Variants in PAXBP1 observed in about 807,000 individuals in gnomAD.
PAXBP1 encodes the protein PAX3- and PAX7-binding protein 1.
A neutral mutation model predicts 119.9 loss-of-function variants in PAXBP1; 44 were observed. The observed-to-expected ratio is 0.37, with a 90% CI of 0.29 to 0.47. The LOEUF (loss-of-function observed/expected upper bound fraction) is 0.47, where lower values mean the gene tolerates loss of function less well. PAXBP1 is among the 20% of genes least tolerant of loss of function. The pLI is 0.99. For synonymous variants in PAXBP1, 393 were observed against 406.6 expected (o/e 0.97, Z 0.40); for missense variants, 898 against 1,134.1 (o/e 0.79, Z 2.99).
At chr21:32,747,299 C>T (rs1452743518) in intron 11 of PAXBP1, among the ~76,000 whole-genome samples, 1 of 152,108 alleles carries the variant, frequency 6.6e-6, no homozygotes, top group Admixed American at 6.5e-5. Context: ...GACTATGACC[C>T]TTTAAAGAAA....
At chr21:32,771,278 T>C in intron 1 of PAXBP1, 48 bp downstream of exon 1, 1 of 1,496,388 alleles carries the variant, frequency 6.7e-7, no homozygotes. Flanking sequence ...GACGGGGGCC[T>C]GCGTCGGGGA....
rs2043912467 is a variant in PAXBP1, at chr21:32,748,702, A to G, written c.1724-4T>C. The G allele has an allele frequency of 6.8e-6, 11 of 1,606,630 alleles. No homozygotes were observed. The highest frequency in any genetic ancestry group is 8.5e-6 in the Non-Finnish European group (10 of 1,176,730). ...CCGGATTCTTTTGAAATTCGATCTA[A>G]AAACAACAAAACCCCACAGAGAACC... On this transcript the variant is annotated splice_polypyrimidine_tract_variant and splice_region_variant and intron_variant, in intron 10 of 17. Coordinates refer to ENST00000331923, the MANE Select transcript of PAXBP1 (RefSeq NM_016631.4).
At chr21:32,757,070 G>T (rs1360909675) in intron 7 of PAXBP1, among the ~76,000 whole-genome samples, 1 of 151,546 alleles carries the variant, frequency 6.6e-6, no homozygotes, top group African/African-American at 2.4e-5. Context: ...TAATTACAGG[G>T]AAACAAAAAC....
intron 16 of PAXBP1, 44 bp from the exon 17 acceptor site, chr21:32,737,452 A>C (rs914738015): frequency 2.0e-6 from 3 of 1,526,802 alleles, no homozygotes; most frequent in Non-Finnish European, 2.7e-6. Context: ...AAGACAGAAT[A>C]AATTAAAGTA....
At chr21:32,741,427 A>C (rs939968324) in intron 15 of PAXBP1, 38 of 547,484 alleles carry the variant, frequency 6.9e-5, no homozygotes, top group Middle Eastern at 2.8e-4. Context: ...GATGGAGGAG[A>C]AATTGTCTAC....
chr21:32,755,181 G>T (rs2044024293), intron 8 of PAXBP1, 49 bp downstream of exon 8: 1 of 1,512,414 alleles, frequency 6.6e-7, no homozygotes, highest in Non-Finnish European at 8.9e-7. Context: ...GCTGCACTAA[G>T]TAAACAAGGT....
At chr21:32,739,653 T>A (rs1458415644) in intron 15 of PAXBP1, among the ~76,000 whole-genome samples, 27 of 152,032 alleles carry the variant, frequency 1.8e-4, no homozygotes, top group Admixed American at 1.8e-3. Context: ...ACACCTGTAA[T>A]CCCAGCACTT....
chr21:32,737,198 A>G, intron 17 of PAXBP1, 56 bp downstream of exon 17: 1 of 1,309,202 alleles, frequency 7.6e-7, no homozygotes, highest in East Asian at 2.5e-5. Context: ...ACATTTTAAT[A>G]CTAAATCTGG....
chr21:32,747,426 T>G (rs2043891410), intron 11 of PAXBP1, among the ~76,000 whole-genome samples: 1 of 151,266 alleles, frequency 6.6e-6, no homozygotes, highest in South Asian at 2.1e-4. Context: ...GGCAGAGGAG[T>G]GGGGGACACA....
At chr21:32,765,011 T>C (rs1022330681) in intron 2 of PAXBP1, among the ~76,000 whole-genome samples, 2 of 152,186 alleles carry the variant, frequency 1.3e-5, no homozygotes, top group Non-Finnish European at 1.5e-5. Context: ...GACACTTACA[T>C]GGAATACCTT....
At chr21:32,769,535 T>C (rs946906585) in intron 2 of PAXBP1, among the ~76,000 whole-genome samples, 1 of 152,206 alleles carries the variant, frequency 6.6e-6, no homozygotes, top group African/African-American at 2.4e-5. Flanking sequence ...GAAACCTTCT[T>C]TCTCTGTTCA....
intron 12 of PAXBP1, among the ~76,000 whole-genome samples, 181 bp from the exon 13 acceptor site, chr21:32,745,094 T>C (rs1290519312): frequency 1.3e-5 from 2 of 152,164 alleles, no homozygotes; most frequent in Middle Eastern, 3.2e-3. Context: ...GGAGAGAGGA[T>C]AGATTATTCT....
At chr21:32,764,232 C>T in intron 3 of PAXBP1, 116 bp downstream of exon 3, 1 of 978,442 alleles carries the variant, frequency 1.0e-6, no homozygotes, top group Non-Finnish European at 1.5e-6. Context: ...CCTCTTCAAA[C>T]AGCAATGTCA....
intron 17 of PAXBP1, 112 bp from the exon 18 acceptor site, chr21:32,735,179 A>G: frequency 4.2e-6 from 3 of 713,570 alleles, no homozygotes; most frequent in Non-Finnish European, 7.1e-6. Flanking sequence ...CCAAGCACAC[A>G]TTTTCAAAGA....
At chr21:32,738,821 AAAATG>A (rs1218813845) in intron 15 of PAXBP1, among the ~76,000 whole-genome samples, 2 of 152,246 alleles carry the variant, frequency 1.3e-5, no homozygotes, top group African/African-American at 2.4e-5. Flanking sequence ...CTATCATCAT[AAAATG>A]AAAGCCCCAT....
intron 11 of PAXBP1, among the ~76,000 whole-genome samples, chr21:32,747,163 C>T (rs186386360): frequency 6.6e-6 from 1 of 152,224 alleles, no homozygotes; most frequent in Admixed American, 6.5e-5. Context: ...ATGGGTTGAT[C>T]TGTGCTGTAA....
chr21:32,761,935 G>GGGAGTA (rs1376358991), intron 4 of PAXBP1, among the ~76,000 whole-genome samples, 161 bp downstream of exon 4: 1 of 152,184 alleles, frequency 6.6e-6, no homozygotes, highest in Non-Finnish European at 1.5e-5. Flanking sequence ...CTACTCGAGA[G>GGGAGTA]GCTGAGACAA....
In PAXBP1 at chr21:32,771,363, G is replaced by A; in HGVS notation, c.306C>T (p.Pro102=). The change falls in exon 1 of 18, where the codon CCC becomes CCT. Residue 102 remains proline, a synonymous_variant. Coordinates refer to ENST00000331923, the MANE Select transcript of PAXBP1 (RefSeq NM_016631.4). The stretch of plus-strand genomic sequence containing the variant: ...CCTGGAAGCTGAGCAGGCTGGCCCG[G>A]GGCACCTCTTTGTTCTCGCGAGGCC... ...RKRPRENKEV[P]RASLLSFQDE... is the part of the protein sequence containing the mutation. The A allele has an allele frequency of 3.2e-6, 5 of 1,585,164 alleles. No homozygotes were observed. The highest frequency in any genetic ancestry group is 4.3e-6 in the Non-Finnish European group (5 of 1,173,498).
intron 15 of PAXBP1, among the ~76,000 whole-genome samples, chr21:32,739,233 G>A (rs149360245): frequency 6.6e-6 from 1 of 152,180 alleles, no homozygotes. Flanking sequence ...AGACAATGGA[G>A]GCCTTAGGGC....
Sources: allele counts gnomAD v4.1 joint callset (sites outside exome capture counted in the v4.1 genomes callset), GRCh38; gene constraint gnomAD v4.1.1; transcripts MANE v1.5; gene names NCBI Gene and HGNC (gene_info 2026-07-23, HGNC 2026-07-21).